Variants in NBPF20 observed in about 807,000 individuals in gnomAD.
The protein encoded by NBPF20 is NBPF member 20, also known as NBPF family member NBPF20.
In NBPF20, 90 loss-of-function variants were observed where a neutral mutation model predicts 68.1. The ratio of observed to expected loss-of-function variants is 1.32; its 90% CI spans 1.11 to 1.58. NBPF20 has a LOEUF of 1.58. NBPF20 is among the 40% of genes most tolerant of loss of function. NBPF20 has a pLI of 0.00. For missense variants in NBPF20, 816 were observed against 601.2 expected, an observed-to-expected ratio of 1.36 and a Z score of -3.74; for synonymous variants, 290 against 228.1, an observed-to-expected ratio of 1.27 and a Z score of -2.45.
chr1:145,414,979 G>A, the NBPF20 span, among the ~76,000 whole-genome samples: 4 of 152,268 alleles, frequency 2.6e-5, no homozygotes, highest in East Asian at 5.8e-4. Context: ...GAAGAAAAAT[G>A]GGCCCAGGGG....
At chr1:145,400,347 A>T in intron 6 of NBPF20, 42 bp downstream of exon 11, 2 of 1,611,076 alleles carry the variant, frequency 1.2e-6, no homozygotes, top group South Asian at 1.1e-5. Context: ...TATCTTCCTC[A>T]GCCTAGAGAG....
At chr1:145,402,634 T>C (rs1418717883) in intron 3 of NBPF20, among the ~76,000 whole-genome samples, 1 of 151,324 alleles carries the variant, frequency 6.6e-6, no homozygotes, top group Admixed American at 6.6e-5. Flanking sequence ...CAAAAGTAGG[T>C]GTCTTCCTAA....
chr1:145,394,974 T>A lies in NBPF20; in HGVS notation c.991+4A>T. 3 of 1,612,002 alleles carry A rather than the reference T, an allele frequency of 1.9e-6. No homozygotes were observed. The highest frequency in any genetic ancestry group is 2.5e-6 in the Non-Finnish European group (3 of 1,179,820). Reference sequence around the variant, plus strand: ...CTTTATCACCTTCACAGTGTAGTACTCACTGCCTATGTCAACAGCCATGCA... The same window carrying A: ...CTTTATCACCTTCACAGTGTAGTACACACTGCCTATGTCAACAGCCATGCA... On this transcript the variant is annotated splice_donor_region_variant and intron_variant, in intron 8 of 137. Transcript: ENST00000369373.
chr1:145,352,284 T>C lies in NBPF20; in HGVS notation c.7350-195A>G, dbSNP rs1259227875. Among the ~76,000 whole-genome samples the C allele has an allele frequency of 1.5e-3, 101 of 67,562 alleles. 7 individuals carry two copies. Among genetic ancestry groups the C allele is most frequent in the Admixed American group, 2.3e-3 (17 of 7,444 alleles). 44.3% of individuals were successfully genotyped at this position (67,562 alleles called of 152,430 possible). A position where few individuals can be genotyped will look rare whatever the true frequency, so the allele number is the denominator to read the frequency against. ...GAAAAGAATGAAAGAGAAAGACAGA[T>C]AGACACACACACACACACACACACA... On this transcript the variant is annotated intron_variant, in intron 61 of 137. Coordinates refer to ENST00000369373, the Ensembl canonical transcript of NBPF20.
rs1346265288 is a variant in NBPF20, at chr1:145,366,482, A to C, written c.5154-130T>G. The stretch of plus-strand genomic sequence containing the variant: ...AGGATAGATCCATTAATGAGGTAAC[A>C]AATTATTGCCTTCATGTTGGGACAG... On this transcript the variant is annotated intron_variant, in intron 43 of 137. Coordinates refer to ENST00000369373, the Ensembl canonical transcript of NBPF20. The C allele has an allele frequency of 2.8e-5, 7 of 250,904 alleles. No individual in the cohort carries two copies. The East Asian group carries it at 4.9e-4, about 17-fold the overall frequency. 15.5% of individuals were successfully genotyped at this position (250,904 alleles called of 1,614,324 possible).
chr1:145,400,234 C>T (rs1662453955), intron 6 of NBPF20, among the ~76,000 whole-genome samples, 155 bp downstream of exon 11: 1 of 152,162 alleles, frequency 6.6e-6, no homozygotes, highest in South Asian at 2.1e-4. Context: ...AAAGTCATGA[C>T]ATTAGCTGAG....
chr1:145,423,889 T>C, the NBPF20 span, among the ~76,000 whole-genome samples: 1 of 151,820 alleles, frequency 6.6e-6, no homozygotes, highest in Non-Finnish European at 1.5e-5. Flanking sequence ...AAACCAACAA[T>C]GCCACTCCTA....
At chr1:145,342,733 A>C in intron 73 of NBPF20, among the ~76,000 whole-genome samples, 174 bp from the exon 79 acceptor site, 1 of 105,032 alleles carries the variant, frequency 9.5e-6, no homozygotes, top group African/African-American at 4.2e-5. Flanking sequence ...CAAATGGAAA[A>C]GAATGAAAGA....
intron 7 of NBPF20, among the ~76,000 whole-genome samples, chr1:145,398,838 G>C (rs1429593065): frequency 1.3e-5 from 2 of 150,522 alleles, no homozygotes; most frequent in Non-Finnish European, 2.9e-5. Context: ...TAGTTCACCT[G>C]GCTCATCTGA....
rs1310397785 is a variant in NBPF20, at chr1:145,393,869, A to G, written c.1043+15T>C. 1.2e-5 allele frequency: 19 copies of G among 1,544,518 alleles called. No homozygotes were observed. The highest frequency in any genetic ancestry group is 1.0e-4 in the South Asian group (9 of 89,962). On this transcript the variant is annotated intron_variant, in intron 9 of 137. Coordinates refer to ENST00000369373, the Ensembl canonical transcript of NBPF20. ...GTCAACATCAAATTAACTCTCCACA[A>G]TTTCTCAGACTCACCTGGGACCTGT...
chr1:145,400,777 G>A (rs1662486906), intron 5 of NBPF20, among the ~76,000 whole-genome samples, 183 bp from the exon 11 acceptor site: 1 of 152,124 alleles, frequency 6.6e-6, no homozygotes, highest in South Asian at 2.1e-4. Flanking sequence ...GCTGCCATGG[G>A]AACCAGAGAG....
upstream of NBPF20, among the ~76,000 whole-genome samples, chr1:145,409,960 G>A (rs497108): frequency 5.9e-5 from 9 of 151,900 alleles, no homozygotes; most frequent in Non-Finnish European, 1.2e-4. Context: ...GTCTCGTTAC[G>A]GAGCCACGAG....
chr1:145,405,968 G>C (rs1571379558), upstream of NBPF20, among the ~76,000 whole-genome samples: 1 of 150,414 alleles, frequency 6.6e-6, no homozygotes, highest in Admixed American at 6.6e-5. Flanking sequence ...GCCCAGGCTG[G>C]AGTGCAGTGA....
intron 137 of NBPF20, 88 bp from the exon 143 acceptor site, chr1:145,291,857 T>A (rs1347619873): frequency 6.9e-6 from 11 of 1,603,354 alleles, no homozygotes; most frequent in South Asian, 2.2e-5. Context: ...CATAAGGAAG[T>A]GGTTAGAAAA....
rs1253137529 is a variant in NBPF20, at chr1:145,295,269, C to A, written c.16190+298G>T. ...TCTGAGTTAGTGCCCTCGGGACACA[C>A]AGCGAACAGTGATCATGAAAAGAGT... is the stretch of plus-strand genomic sequence containing the variant. On this transcript the variant is annotated intron_variant, in intron 133 of 137. Coordinates refer to ENST00000369373, the Ensembl canonical transcript of NBPF20. 6.0e-3 allele frequency: 2,761 copies of A among 459,486 alleles called. 117 individuals carry two copies. The African/African-American group carries it at 0.081, about 13-fold the overall frequency. The allele number at this position is 459,486 out of a possible 1,614,324, so 28.5% of individuals were successfully genotyped here.
the NBPF20 span, among the ~76,000 whole-genome samples, chr1:145,421,984 C>T: frequency 1.3e-5 from 2 of 151,934 alleles, no homozygotes; most frequent in African/African-American, 4.8e-5. Flanking sequence ...GCTGCAGAGA[C>T]CCATGATCAT....
At chr1:145,417,298 T>C in the NBPF20 span, among the ~76,000 whole-genome samples, 1 of 151,228 alleles carries the variant, frequency 6.6e-6, no homozygotes. Flanking sequence ...GGTATGCATG[T>C]TATATACCCT....
At chr1:145,411,086 C>A in the NBPF20 span, among the ~76,000 whole-genome samples, 6 of 145,716 alleles carry the variant, frequency 4.1e-5, no homozygotes, top group African/African-American at 1.2e-4. Context: ...GTAGTGAATT[C>A]ATTCACCATT....
intron 7 of NBPF20, among the ~76,000 whole-genome samples, chr1:145,397,336 A>G (rs1353372631): frequency 6.6e-6 from 1 of 152,218 alleles, no homozygotes; most frequent in Admixed American, 6.5e-5. Context: ...TCCCTGAGGA[A>G]TTGTCACACT....
Sources: gnomAD v4.1 joint callset for allele counts (sites outside exome capture counted in the v4.1 genomes callset) on GRCh38, gnomAD v4.1.1 for gene constraint, MANE v1.5 for transcripts, NCBI Gene and HGNC (gene_info 2026-07-23, HGNC 2026-07-21) for gene names.